TNKS: variants seen among roughly 807,000 people sequenced by gnomAD.
The protein encoded by TNKS is poly [ADP-ribose] polymerase tankyrase-1.
TNKS carries 72 observed loss-of-function variants against 135.8 expected under a neutral mutation model. The observed-to-expected ratio is 0.53, with a 90% CI of 0.44 to 0.64. The LOEUF (loss-of-function observed/expected upper bound fraction) is 0.64, where lower values mean the gene tolerates loss of function less well. Among genes scored for constraint, TNKS ranks in the 30% least tolerant of loss-of-function variants. The probability of loss-of-function intolerance (pLI) is 0.00; values close to 1 mark genes in which losing one functional copy is unlikely to be tolerated. For missense variants in TNKS, 1,769 were observed against 1,674.0 expected, an observed-to-expected ratio of 1.06 and a Z score of -0.99; for synonymous variants, 849 against 649.3, an observed-to-expected ratio of 1.31 and a Z score of -4.68.
At chr8:9,562,032 G>A (rs1797353237) in intron 1 of TNKS, among the ~76,000 whole-genome samples, 1 of 152,008 alleles carries the variant, frequency 6.6e-6, no homozygotes, top group Non-Finnish European at 1.5e-5. Flanking sequence ...GACCAGGCTG[G>A]TCACGAACTC....
intron 22 of TNKS, 144 bp from the exon 23 acceptor site, chr8:9,764,572 C>A: frequency 2.1e-6 from 1 of 476,704 alleles, no homozygotes; most frequent in South Asian, 5.7e-5. Flanking sequence ...AAATTATTTT[C>A]TCACCAAAAA....
chr8:9,657,984 G>A (rs1345478846), intron 3 of TNKS, among the ~76,000 whole-genome samples: 54 of 61,924 alleles, frequency 8.7e-4, no homozygotes, highest in East Asian at 1.1e-3. Context: ...GGGCAGAGGC[G>A]CTCCTCACAT....
At chr8:9,770,037 G>A in intron 25 of TNKS, 69 bp from the exon 26 acceptor site, 1 of 1,391,244 alleles carries the variant, frequency 7.2e-7, no homozygotes, top group East Asian at 2.4e-5. Flanking sequence ...AAAATTAATA[G>A]ATCTAGCAGT....
At chr8:9,711,417 A>G (rs1327170672) in intron 11 of TNKS, among the ~76,000 whole-genome samples, 1 of 152,170 alleles carries the variant, frequency 6.6e-6, no homozygotes, top group East Asian at 1.9e-4. Flanking sequence ...CTTGTGTCCA[A>G]ATGAGTTGAA....
At chr8:9,680,912 C>A in intron 5 of TNKS, 112 bp downstream of exon 5, 2 of 697,450 alleles carry the variant, frequency 2.9e-6, no homozygotes, top group Non-Finnish European at 5.0e-6. Flanking sequence ...TAACTGGCAT[C>A]TTTTCACTGT....
chr8:9,734,814 A>G (rs776132199), intron 15 of TNKS, 51 bp from the exon 16 acceptor site: 1 of 1,481,034 alleles, frequency 6.8e-7, no homozygotes, highest in African/African-American at 1.4e-5. Context: ...CTACCTACCT[A>G]CCTACTTACT....
chr8:9,688,142 A>G (rs1803097320), intron 5 of TNKS, among the ~76,000 whole-genome samples: 1 of 152,240 alleles, frequency 6.6e-6, no homozygotes, highest in African/African-American at 2.4e-5. Flanking sequence ...ATATTACATG[A>G]TAAAGATATT....
Position 9,599,410 on chromosome 8 carries a change from G to A in TNKS, c.899-16172G>A, listed in dbSNP as rs997590224. 1.1e-4 allele frequency among the ~76,000 whole-genome samples: 17 copies of A among 152,174 alleles called. No individual in the cohort carries two copies. The East Asian group carries it at 3.3e-3, about 29-fold the overall frequency. ...ACAGCAATTCACTGTGTTAGGTAGT[G>A]TTTTATGAAAGAGGAAATTAAGATT... On this transcript the variant is annotated intron_variant, in intron 2 of 26. Transcript: ENST00000310430.
intron 3 of TNKS, among the ~76,000 whole-genome samples, chr8:9,647,811 C>T (rs1047401734): frequency 3.9e-5 from 6 of 152,102 alleles, no homozygotes; most frequent in African/African-American, 7.2e-5. Flanking sequence ...CTATGAAATG[C>T]GTCATTAGGT....
rs1163803220 is a variant in TNKS, at chr8:9,769,612, C to CTTTTTTTT, written c.3741-476_3741-469dup. 6.4e-3 allele frequency among the ~76,000 whole-genome samples: 468 copies of CTTTTTTTT among 73,494 alleles called. 12 individuals carry two copies. Among genetic ancestry groups the CTTTTTTTT allele is most frequent in the South Asian group, 8.3e-3 (14 of 1,680 alleles). 48.2% of individuals were successfully genotyped at this position (73,494 alleles called of 152,430 possible). ...GGCAAAACTTACTGGCAGGCATTTTCTTTTTTTTTTTTTTTTTTTTTTTTT... is the reference window on the plus strand; with the variant it reads ...GGCAAAACTTACTGGCAGGCATTTTCTTTTTTTTTTTTTTTTTTTTTTTTTTTTTTTTT... On this transcript the variant is annotated intron_variant, in intron 25 of 26. Coordinates refer to ENST00000310430, the MANE Select transcript of TNKS (RefSeq NM_003747.3).
intron 23 of TNKS, 137 bp downstream of exon 23, chr8:9,764,927 G>A (rs540646833): frequency 3.1e-5 from 18 of 571,466 alleles, no homozygotes; most frequent in Non-Finnish European, 5.0e-5. Flanking sequence ...AAGTCAGATA[G>A]CACTCTTCTC....
chr8:9,674,950 AAG>A (rs1458976421), intron 3 of TNKS, among the ~76,000 whole-genome samples: 7 of 152,210 alleles, frequency 4.6e-5, no homozygotes, highest in African/African-American at 1.7e-4. Context: ...TGGGATTAAA[AAG>A]TACAAAGAAG....
At chr8:9,575,589 G>A (rs1183588208) in intron 1 of TNKS, among the ~76,000 whole-genome samples, 1 of 152,158 alleles carries the variant, frequency 6.6e-6, no homozygotes, top group Non-Finnish European at 1.5e-5. Context: ...TGTAGGAACA[G>A]TACAGAAATA....
chr8:9,772,496 T>C, intron 26 of TNKS: 2 of 447,600 alleles, frequency 4.5e-6, no homozygotes, highest in Middle Eastern at 3.4e-4. Flanking sequence ...AAAATGTTAA[T>C]ATTATAAAAG....
At chr8:9,562,165 CTT>C (rs1797363641) in intron 1 of TNKS, among the ~76,000 whole-genome samples, 1 of 151,872 alleles carries the variant, frequency 6.6e-6, no homozygotes, top group Admixed American at 6.6e-5. Context: ...ACTGGGCACA[CTT>C]CAGTTTTATT....
At chr8:9,661,684 CAT>C in intron 3 of TNKS, among the ~76,000 whole-genome samples, 1 of 152,316 alleles carries the variant, frequency 6.6e-6, no homozygotes. Context: ...GCAAGGACTT[CAT>C]GTCTAAAACA....
At chr8:9,757,241 C>T (rs1429656692) in intron 20 of TNKS, among the ~76,000 whole-genome samples, 1 of 152,158 alleles carries the variant, frequency 6.6e-6, no homozygotes, top group Non-Finnish European at 1.5e-5. Context: ...TCCCAAAGTG[C>T]TGAGATTACA....
At chr8:9,717,528 G>A (rs1261982385) in intron 11 of TNKS, among the ~76,000 whole-genome samples, 1 of 152,080 alleles carries the variant, frequency 6.6e-6, no homozygotes, top group Non-Finnish European at 1.5e-5. Flanking sequence ...GAACATTTTA[G>A]TAGTTCCTAA....
intron 2 of TNKS, among the ~76,000 whole-genome samples, chr8:9,590,081 G>A (rs1159902067): frequency 1.3e-5 from 2 of 152,150 alleles, no homozygotes; most frequent in Non-Finnish European, 2.9e-5. Flanking sequence ...TTGTGTGTTC[G>A]CGAAGCTGCC....
Sources: gnomAD v4.1 joint callset for allele counts (sites outside exome capture counted in the v4.1 genomes callset) on GRCh38, gnomAD v4.1.1 for gene constraint, MANE v1.5 for transcripts, NCBI Gene and HGNC (gene_info 2026-07-23, HGNC 2026-07-21) for gene names.